RUFY2: variants seen among roughly 807,000 people sequenced by gnomAD.
RUFY2 encodes the protein RUN and FYVE domain containing 2.
Under a neutral mutation model 94.4 loss-of-function variants are expected in RUFY2, and 49 were observed. The ratio of observed to expected loss-of-function variants is 0.52; its 90% CI spans 0.41 to 0.66. The LOEUF is 0.66. Ranked by LOEUF, RUFY2 falls within the 30% of genes least tolerant of loss-of-function variation. RUFY2 has a pLI of 0.00. For synonymous variants in RUFY2, 255 were observed against 235.7 expected, an observed-to-expected ratio of 1.08 and a Z score of -0.75; for missense variants, 541 against 692.8, an observed-to-expected ratio of 0.78 and a Z score of 2.46.
intron 13 of RUFY2, among the ~76,000 whole-genome samples, chr10:68,365,781 C>A (rs1363934864): frequency 6.6e-6 from 1 of 151,472 alleles, no homozygotes; most frequent in Non-Finnish European, 1.5e-5. Context: ...TCATTTCACT[C>A]AGTCAGAGTT....
chr10:68,392,635 C>T (rs2050085479), intron 7 of RUFY2, among the ~76,000 whole-genome samples: 1 of 151,778 alleles, frequency 6.6e-6, no homozygotes, highest in Non-Finnish European at 1.5e-5. Flanking sequence ...AAAAACCTGA[C>T]TCTCGGGCCA....
Position 68,346,055 on chromosome 10 carries a change from T to TG in RUFY2, c.1628dup (p.Thr544AsnfsTer4). 1 of 1,613,890 alleles carries TG rather than the reference T, an allele frequency of 6.2e-7. No individual in the cohort carries two copies. The highest frequency in any genetic ancestry group is 8.5e-7 in the Non-Finnish European group (1 of 1,179,900). ...CCTTTTCACAAAGTTTACAATGTGT[T>TG]GCTTCTTTGTCTTTCAGCCAAACCA... On this transcript the variant is annotated frameshift_variant, in exon 17 of 18. Transcript: ENST00000602465. LOFTEE classifies it high-confidence loss of function.
chr10:68,406,000 A>G (rs1351239590), intron 1 of RUFY2, among the ~76,000 whole-genome samples: 1 of 152,200 alleles, frequency 6.6e-6, no homozygotes, highest in Non-Finnish European at 1.5e-5. Flanking sequence ...GTTTACTTAG[A>G]AATTCAGACG....
At chr10:68,380,749 C>A (rs1040064325) in intron 11 of RUFY2, among the ~76,000 whole-genome samples, 3 of 152,056 alleles carry the variant, frequency 2.0e-5, no homozygotes, top group Non-Finnish European at 2.9e-5. Flanking sequence ...GTAGTCCCAA[C>A]TACTAGGGAG....
intron 7 of RUFY2, among the ~76,000 whole-genome samples, chr10:68,388,653 G>A (rs1245014930): frequency 6.6e-6 from 1 of 151,876 alleles, no homozygotes; most frequent in African/African-American, 2.4e-5. Context: ...TGGGCAACAT[G>A]GTGAAACCCC....
At chr10:68,403,882 C>G (rs1476522309) in intron 2 of RUFY2, among the ~76,000 whole-genome samples, 1 of 151,454 alleles carries the variant, frequency 6.6e-6, no homozygotes, top group African/African-American at 2.4e-5. Context: ...GCCTCGACCT[C>G]CTCAGGCTAA....
chr10:68,380,559 C>T (rs1248822750), intron 11 of RUFY2, among the ~76,000 whole-genome samples: 1 of 151,746 alleles, frequency 6.6e-6, no homozygotes, highest in Non-Finnish European at 1.5e-5. Context: ...GCAATATCAT[C>T]GTACAAAACT....
downstream of RUFY2, chr10:68,342,753 T>C (rs1564760000): frequency 6.6e-6 from 1 of 152,558 alleles, no homozygotes; most frequent in Non-Finnish European, 1.5e-5. Flanking sequence ...TCCAAAAAAT[T>C]GATAGTTGCA....
intron 12 of RUFY2, chr10:68,378,063 G>A: frequency 1.0e-6 from 1 of 985,492 alleles, no homozygotes; most frequent in Non-Finnish European, 1.2e-6. Context: ...TTGAAGTTGT[G>A]CTATCACAGA....
At chr10:68,349,331 C>T (rs1311218025) in intron 16 of RUFY2, among the ~76,000 whole-genome samples, 1 of 151,948 alleles carries the variant, frequency 6.6e-6, no homozygotes, top group Non-Finnish European at 1.5e-5. Flanking sequence ...GCCTGGGCAA[C>T]ACAGTGAGGC....
At chr10:68,360,267 G>A (rs141821417) in intron 15 of RUFY2, among the ~76,000 whole-genome samples, 65 of 151,590 alleles carry the variant, frequency 4.3e-4, no homozygotes, top group Non-Finnish European at 6.9e-4. Context: ...GTGAGACCCC[G>A]CCTCCATATA....
rs1421227998 is a variant in RUFY2 at position 68,345,101 on chromosome 10, TC to T, written c.*666del. On this transcript the variant is annotated 3_prime_UTR_variant, in exon 18 of 18. Transcript: ENST00000602465. Reference sequence around the variant, plus strand: ...AAAAGAAAGATGGTTATATGTAACTTCCTTTCAAGATTAAAAGGAAAAAAGT... The same window carrying T: ...AAAAGAAAGATGGTTATATGTAACTTCTTTCAAGATTAAAAGGAAAAAAGT... 5.2e-5 allele frequency: 8 copies of T among 152,462 alleles called. No individual in the cohort carries two copies. Among genetic ancestry groups the T allele is most frequent in the South Asian group, 2.1e-4 (1 of 4,826 alleles). The allele number at this position is 152,462 out of a possible 1,614,324, so 9.4% of individuals were successfully genotyped here. A position where few individuals can be genotyped will look rare whatever the true frequency, so the allele number is the denominator to read the frequency against.
At chr10:68,403,074 G>A (rs938817747) in intron 2 of RUFY2, among the ~76,000 whole-genome samples, 8 of 150,876 alleles carry the variant, frequency 5.3e-5, no homozygotes, top group Non-Finnish European at 1.0e-4. Context: ...TCGAACTCCT[G>A]ACCTCAAGTG....
chr10:68,363,933 A>T, intron 14 of RUFY2, 51 bp downstream of exon 14: 3 of 1,357,750 alleles, frequency 2.2e-6, no homozygotes, highest in Non-Finnish European at 3.1e-6. Context: ...ATCTTTTTAA[A>T]TAAGTTAACA....
downstream of RUFY2, chr10:68,341,177 T>G: frequency 6.4e-7 from 1 of 1,559,090 alleles, no homozygotes; most frequent in Non-Finnish European, 8.6e-7. Context: ...TATTTAGTTC[T>G]TCTCACCACT....
chr10:68,407,198 C>T lies in RUFY2; in HGVS notation c.-9G>A. 7.1e-7 allele frequency: 1 copy of T among 1,416,304 alleles called. No homozygotes were observed. 87.7% of individuals were successfully genotyped at this position (1,416,304 alleles called of 1,614,324 possible). ...CCGCTCGCCTTACCCATGGCGGCGGCGGCTGCGCGGTCTCGGGCGGAGGCT... is the reference window on the plus strand; with the variant it reads ...CCGCTCGCCTTACCCATGGCGGCGGTGGCTGCGCGGTCTCGGGCGGAGGCT... On this transcript the variant is annotated 5_prime_UTR_variant, in exon 1 of 18. Coordinates refer to ENST00000602465, the MANE Select transcript of RUFY2 (RefSeq NM_001330103.2).
intron 15 of RUFY2, among the ~76,000 whole-genome samples, chr10:68,357,230 T>G (rs1251000766): frequency 6.6e-6 from 1 of 151,590 alleles, no homozygotes; most frequent in African/African-American, 2.4e-5. Context: ...GTGGTATAAC[T>G]TTGTTTTTTT....
intron 3 of RUFY2, among the ~76,000 whole-genome samples, chr10:68,399,546 A>G (rs1057497664): frequency 6.6e-6 from 1 of 152,242 alleles, no homozygotes; most frequent in African/African-American, 2.4e-5. Context: ...GTAGCCACTT[A>G]CTTTTATCAC....
At chr10:68,385,487 G>A (rs1366052064) in intron 8 of RUFY2, among the ~76,000 whole-genome samples, 1 of 152,102 alleles carries the variant, frequency 6.6e-6, no homozygotes, top group Non-Finnish European at 1.5e-5. Context: ...TGAGAAGGTG[G>A]AAAAATGGTC....
Sources: allele counts gnomAD v4.1 joint callset (sites outside exome capture counted in the v4.1 genomes callset), GRCh38; gene constraint gnomAD v4.1.1; transcripts MANE v1.5; gene names NCBI Gene and HGNC (gene_info 2026-07-23, HGNC 2026-07-21).